The following CAMK4 variants were observed in gnomAD, a reference collection of about 807,000 sequenced individuals.
The protein encoded by CAMK4 is calcium/calmodulin-dependent protein kinase type IV.
Under a neutral mutation model 44.9 loss-of-function variants are expected in CAMK4, and 22 were observed. The ratio of observed to expected loss-of-function variants is 0.49; its 90% CI spans 0.35 to 0.70. The LOEUF (loss-of-function observed/expected upper bound fraction) is 0.70, where lower values mean the gene tolerates loss of function less well. CAMK4 is among the 30% of genes least tolerant of loss of function. The probability of loss-of-function intolerance (pLI) is 0.01; values close to 1 mark genes in which losing one functional copy is unlikely to be tolerated. For synonymous variants in CAMK4, 218 were observed against 215.4 expected (o/e 1.01, Z -0.11); for missense variants, 498 against 586.8 (o/e 0.85, Z 1.56).
intron 1 of CAMK4, among the ~76,000 whole-genome samples, chr5:111,246,205 T>C (rs1561359400): frequency 1.3e-5 from 2 of 152,236 alleles, no homozygotes; most frequent in South Asian, 4.1e-4. Flanking sequence ...ATTCTCAGAA[T>C]AGCTGGAAAG....
At chr5:111,269,137 A>C (rs945248952) in intron 1 of CAMK4, among the ~76,000 whole-genome samples, 1 of 152,186 alleles carries the variant, frequency 6.6e-6, no homozygotes, top group Non-Finnish European at 1.5e-5. Flanking sequence ...GGAAACTGTA[A>C]ACATGCCCAT....
rs1755814421 is a variant in CAMK4 at position 111,491,154 on chromosome 5, A to T, written c.*6688A>T. 6.6e-6 allele frequency: 1 copy of T among 152,176 alleles called. No homozygotes were observed. The highest frequency in any genetic ancestry group is 2.1e-4 in the South Asian group (1 of 4,826). 9.4% of individuals were successfully genotyped at this position (152,176 alleles called of 1,614,324 possible). A position where few individuals can be genotyped will look rare whatever the true frequency, so the allele number is the denominator to read the frequency against. On this transcript the variant is annotated 3_prime_UTR_variant, in exon 11 of 11. Coordinates refer to ENST00000282356, the MANE Select transcript of CAMK4 (RefSeq NM_001744.6). ...CCAAGAACTGAACTCAAATCTCCAA[A>T]AATTTTTCAGAACTCAAGCAACCAA...
At chr5:111,329,546 C>G (rs1026108675) in intron 1 of CAMK4, among the ~76,000 whole-genome samples, 2 of 151,708 alleles carry the variant, frequency 1.3e-5, no homozygotes, top group African/African-American at 4.8e-5. Context: ...ATAGATTTGT[C>G]CCTCATGGTT....
At chr5:111,371,249 C>A (rs1292781849) in intron 2 of CAMK4, among the ~76,000 whole-genome samples, 1 of 152,112 alleles carries the variant, frequency 6.6e-6, no homozygotes, top group Non-Finnish European at 1.5e-5. Flanking sequence ...CTGGTGCACA[C>A]TCTAGCAAAA....
At chr5:111,360,103 A>G (rs1186135782) in intron 2 of CAMK4, among the ~76,000 whole-genome samples, 8 of 152,216 alleles carry the variant, frequency 5.3e-5, no homozygotes, top group Non-Finnish European at 1.2e-4. Context: ...TTTACTCTGA[A>G]CCTGAATTCC....
At chr5:111,469,144 CAAAAAAAAAAAAAA>C (rs1176120789) in intron 7 of CAMK4, among the ~76,000 whole-genome samples, 2 of 67,496 alleles carry the variant, frequency 3.0e-5, no homozygotes, top group African/African-American at 1.3e-4. Context: ...AACTCCATCT[CAAAAAAAAAAAAAA>C]AAAAAAAAAA....
intron 4 of CAMK4, among the ~76,000 whole-genome samples, chr5:111,387,716 A>G (rs1751656073): frequency 6.6e-6 from 1 of 152,182 alleles, no homozygotes; most frequent in Non-Finnish European, 1.5e-5. Flanking sequence ...TTGATTCCAT[A>G]AATATTTACT....
At chr5:111,401,368 C>T (rs1737070899) in intron 5 of CAMK4, among the ~76,000 whole-genome samples, 1 of 152,122 alleles carries the variant, frequency 6.6e-6, no homozygotes, top group African/African-American at 2.4e-5. Flanking sequence ...TACTGCATTT[C>T]TTCAGGAACT....
At chr5:111,226,694 A>G (rs1016283287) in intron 1 of CAMK4, among the ~76,000 whole-genome samples, 1 of 152,218 alleles carries the variant, frequency 6.6e-6, no homozygotes, top group Non-Finnish European at 1.5e-5. Context: ...TATTCAAAAA[A>G]CACTGACAAC....
intron 1 of CAMK4, among the ~76,000 whole-genome samples, chr5:111,262,164 A>G (rs1478277588): frequency 6.6e-6 from 1 of 150,606 alleles, no homozygotes; most frequent in Non-Finnish European, 1.5e-5. Flanking sequence ...AAATTGCACT[A>G]GACTAGCTAA....
Position 111,353,695 on chromosome 5 carries a change from C to G in CAMK4, c.240+9593C>G, listed in dbSNP as rs193050670. Among the ~76,000 whole-genome samples the G allele has an allele frequency of 3.2e-4, 49 of 151,848 alleles. No individual in the cohort carries two copies. In the East Asian group the frequency reaches 8.4e-3, roughly 26 times the overall value. ...TGAGGTACAAAAATAAGTTACATTT[C>G]TATACACTAACAACAAACTATCTGA... On this transcript the variant is annotated intron_variant, in intron 2 of 10. Transcript: ENST00000282356.
At chr5:111,325,055 T>C (rs1057088123) in intron 1 of CAMK4, among the ~76,000 whole-genome samples, 12 of 151,866 alleles carry the variant, frequency 7.9e-5, no homozygotes, top group Admixed American at 3.3e-4. Context: ...TGTGTCTTTG[T>C]GTTCTCATCG....
intron 2 of CAMK4, among the ~76,000 whole-genome samples, chr5:111,362,121 C>G (rs1750616382): frequency 6.6e-6 from 1 of 151,978 alleles, no homozygotes; most frequent in Admixed American, 6.6e-5. Context: ...TTCACACATA[C>G]TCTTATTCAA....
chr5:111,296,262 G>C (rs572671860), intron 1 of CAMK4, among the ~76,000 whole-genome samples: 2 of 152,220 alleles, frequency 1.3e-5, no homozygotes, highest in East Asian at 3.9e-4. Flanking sequence ...CTTCCGTTTA[G>C]GAAATATATG....
intron 1 of CAMK4, among the ~76,000 whole-genome samples, chr5:111,233,948 A>G (rs1318750739): frequency 6.6e-6 from 1 of 152,212 alleles, no homozygotes; most frequent in Non-Finnish European, 1.5e-5. Context: ...GCTAGAAGAA[A>G]GTATTAGAGA....
At chr5:111,324,563 C>A (rs1425566772) in intron 1 of CAMK4, among the ~76,000 whole-genome samples, 1 of 151,560 alleles carries the variant, frequency 6.6e-6, no homozygotes, top group African/African-American at 2.4e-5. Context: ...ACAGATAAGG[C>A]AAAAATTGAA....
At chr5:111,270,947 G>C (rs919627723) in intron 1 of CAMK4, among the ~76,000 whole-genome samples, 2 of 152,160 alleles carry the variant, frequency 1.3e-5, no homozygotes, top group African/African-American at 4.8e-5. Context: ...TTACAATCAT[G>C]GCAGAAGGGG....
intron 1 of CAMK4, among the ~76,000 whole-genome samples, chr5:111,278,421 G>A (rs906229031): frequency 2.6e-5 from 4 of 151,886 alleles, no homozygotes; most frequent in African/African-American, 7.3e-5. Context: ...AAATAATTTG[G>A]GAAAAGTCAC....
Position 111,297,079 on chromosome 5 carries a change from C to T in CAMK4, c.162-46945C>T, listed in dbSNP as rs977322553. On this transcript the variant is annotated intron_variant, in intron 1 of 10. Coordinates refer to ENST00000282356, the MANE Select transcript of CAMK4 (RefSeq NM_001744.6). ...GTGGAGGATCCACCTTGCTCTTAAG[C>T]TCCTTTAATGAGCAAAAGCTTCAGA... is the stretch of plus-strand genomic sequence containing the variant. Among the ~76,000 whole-genome samples, 8 of 152,286 alleles carry T rather than the reference C, an allele frequency of 5.3e-5. No homozygotes were observed. The East Asian group carries it at 1.5e-3, about 29-fold the overall frequency.
Sources: gnomAD v4.1 joint callset for allele counts (sites outside exome capture counted in the v4.1 genomes callset) on GRCh38, gnomAD v4.1.1 for gene constraint, MANE v1.5 for transcripts, NCBI Gene and HGNC (gene_info 2026-07-23, HGNC 2026-07-21) for gene names.